Variants in ADK observed in about 807,000 individuals in gnomAD.
The protein encoded by ADK is adenosine kinase.
A neutral mutation model predicts 44.7 loss-of-function variants in ADK; 24 were observed. The observed-to-expected ratio is 0.54, with a 90% CI of 0.39 to 0.76. The LOEUF (loss-of-function observed/expected upper bound fraction) is 0.76, where lower values mean the gene tolerates loss of function less well. ADK is among the 30% of genes least tolerant of loss of function. The pLI, the probability that ADK is intolerant of heterozygous loss-of-function variation, is 0.00. For synonymous variants in ADK, 128 were observed against 142.6 expected (o/e 0.90, Z 0.73); for missense variants, 321 against 425.1 (o/e 0.76, Z 2.15).
At chr10:74,648,137 T>C (rs994268553) in intron 9 of ADK, among the ~76,000 whole-genome samples, 1 of 152,082 alleles carries the variant, frequency 6.6e-6, no homozygotes, top group Admixed American at 6.5e-5. Context: ...AATTCTATAA[T>C]CTGGCAAAAC....
intron 2 of ADK, among the ~76,000 whole-genome samples, chr10:74,213,978 A>G (rs1294706433): frequency 1.3e-5 from 2 of 152,218 alleles, no homozygotes; most frequent in Non-Finnish European, 2.9e-5. Flanking sequence ...AAATTTTTAA[A>G]ATAAAAAGCA....
At chr10:74,384,786 AATGAAGT>A (rs1311739272) in intron 4 of ADK, among the ~76,000 whole-genome samples, 3 of 152,210 alleles carry the variant, frequency 2.0e-5, no homozygotes, top group Admixed American at 2.0e-4. Context: ...ACAGAAACAG[AATGAAGT>A]ATTCAGTGTA....
At chr10:74,260,817 C>T (rs1419124043) in intron 3 of ADK, among the ~76,000 whole-genome samples, 1 of 152,170 alleles carries the variant, frequency 6.6e-6, no homozygotes, top group African/African-American at 2.4e-5. Context: ...TAAGGTAATT[C>T]TCACATGTGG....
At chr10:74,307,954 A>G (rs1840312661) in intron 3 of ADK, among the ~76,000 whole-genome samples, 1 of 152,162 alleles carries the variant, frequency 6.6e-6, no homozygotes, top group Admixed American at 6.6e-5. Flanking sequence ...TTGCTTACAT[A>G]TGACTTTTTC....
At chr10:74,494,349 C>T (rs1847603822) in intron 6 of ADK, among the ~76,000 whole-genome samples, 1 of 152,098 alleles carries the variant, frequency 6.6e-6, no homozygotes, top group Non-Finnish European at 1.5e-5. Flanking sequence ...CTCCTCCTCT[C>T]CAGTTCTCCA....
At chr10:74,373,165 A>G (rs1485582398) in intron 4 of ADK, among the ~76,000 whole-genome samples, 1 of 152,098 alleles carries the variant, frequency 6.6e-6, no homozygotes, top group Admixed American at 6.5e-5. Flanking sequence ...GCAAAAATTA[A>G]CTCAAAATGA....
intron 10 of ADK, among the ~76,000 whole-genome samples, chr10:74,706,381 C>A (rs1440609045): frequency 6.6e-6 from 1 of 152,196 alleles, no homozygotes; most frequent in African/African-American, 2.4e-5. Flanking sequence ...TCTATGTTTT[C>A]TCCTCAAGAG....
chr10:74,309,781 CAAAAT>C (rs1306570446), intron 3 of ADK, among the ~76,000 whole-genome samples: 2 of 151,972 alleles, frequency 1.3e-5, no homozygotes, highest in African/African-American at 4.8e-5. Flanking sequence ...TTTTTAAAGA[CAAAAT>C]AATTATATTG....
intron 3 of ADK, among the ~76,000 whole-genome samples, chr10:74,259,018 C>G (rs190887318): frequency 2.9e-4 from 40 of 136,586 alleles, no homozygotes; most frequent in Non-Finnish European, 5.3e-4. Flanking sequence ...GTGGCATGAT[C>G]TCGGCTCATT....
At chr10:74,441,791 A>G (rs534516375) in intron 6 of ADK, among the ~76,000 whole-genome samples, 2 of 152,336 alleles carry the variant, frequency 1.3e-5, no homozygotes, top group South Asian at 4.1e-4. Flanking sequence ...ATGGGAGAAA[A>G]TATTTGTAAA....
intron 4 of ADK, among the ~76,000 whole-genome samples, chr10:74,331,686 AT>A (rs1400232778): frequency 6.6e-6 from 1 of 152,074 alleles, no homozygotes; most frequent in East Asian, 1.9e-4. Flanking sequence ...GGATTTCATC[AT>A]GTTGGCAAGG....
chr10:74,377,172 T>C (rs1237434619), intron 4 of ADK, among the ~76,000 whole-genome samples: 6 of 152,222 alleles, frequency 3.9e-5, no homozygotes, highest in Non-Finnish European at 8.8e-5. Context: ...GCATGTGTTT[T>C]AGTAACTGGA....
At chr10:74,317,776 G>T (rs956222756) in intron 4 of ADK, among the ~76,000 whole-genome samples, 10 of 151,976 alleles carry the variant, frequency 6.6e-5, no homozygotes, top group African/African-American at 1.7e-4. Context: ...GCTGTTTCTG[G>T]TTTTTTTGTT....
intron 10 of ADK, among the ~76,000 whole-genome samples, chr10:74,676,566 TC>T (rs1855401282): frequency 6.6e-6 from 1 of 152,120 alleles, no homozygotes; most frequent in South Asian, 2.1e-4. Context: ...AGCCTCAAAC[TC>T]CTGGGCTCAA....
intron 2 of ADK, among the ~76,000 whole-genome samples, chr10:74,216,880 T>C (rs7907801): frequency 0.17 from 25,953 of 151,954 alleles, 2,590 homozygotes; most frequent in African/African-American, 0.28. Flanking sequence ...TAATAAAAAG[T>C]GAGAGGAGCC....
chr10:74,198,101 C>T (rs1003410257), intron 1 of ADK, among the ~76,000 whole-genome samples: 1 of 152,092 alleles, frequency 6.6e-6, no homozygotes, highest in Non-Finnish European at 1.5e-5. Flanking sequence ...TAACACTGCT[C>T]ATCCTTGTTT....
At chr10:74,298,487 T>A (rs1238999605) in intron 3 of ADK, among the ~76,000 whole-genome samples, 1 of 152,182 alleles carries the variant, frequency 6.6e-6, no homozygotes, top group Non-Finnish European at 1.5e-5. Flanking sequence ...TTGCAGTGGC[T>A]CACACCTGTA....
chr10:74,281,070 G>T (rs1201638822), intron 3 of ADK, among the ~76,000 whole-genome samples: 4 of 152,206 alleles, frequency 2.6e-5, no homozygotes, highest in African/African-American at 4.8e-5. Context: ...GAGCCGACAA[G>T]AGACTCAAAA....
chr10:74,498,805 C>A (rs1480134751), intron 6 of ADK, among the ~76,000 whole-genome samples: 3 of 152,080 alleles, frequency 2.0e-5, no homozygotes, highest in Non-Finnish European at 4.4e-5. Context: ...TTGGAACCAA[C>A]CCAAATGTCC....
Sources: allele counts gnomAD v4.1 joint callset (sites outside exome capture counted in the v4.1 genomes callset), GRCh38; gene constraint gnomAD v4.1.1; transcripts MANE v1.5; gene names NCBI Gene and HGNC (gene_info 2026-07-23, HGNC 2026-07-21).